The following SOX5 variants were observed in gnomAD, a reference collection of about 807,000 sequenced individuals.
SOX5 encodes SRY-box transcription factor 5.
Under a neutral mutation model 92.0 loss-of-function variants are expected in SOX5, and 9 were observed. The ratio of observed to expected loss-of-function variants is 0.10; its 90% confidence interval spans 0.06 to 0.17. The LOEUF (loss-of-function observed/expected upper bound fraction) is 0.17, where lower values mean the gene tolerates loss of function less well. Among genes scored for constraint, SOX5 ranks in the 10% least tolerant of loss-of-function variants. The pLI is 1.00. For missense variants in SOX5, 642 were observed against 944.5 expected (o/e 0.68, Z 4.20); for synonymous variants, 344 against 336.3 (o/e 1.02, Z -0.25).
At chr12:23,837,247 A>G (rs1160371730) in intron 3 of SOX5, among the ~76,000 whole-genome samples, 21 of 76,512 alleles carry the variant, frequency 2.7e-4, no homozygotes, top group Non-Finnish European at 5.0e-4. Context: ...TATATAATAT[A>G]TATTTATATT....
At position 23,575,721 on chromosome 12, in the gene SOX5, G is replaced by A. The variant is rs1257254387; in HGVS notation, c.1282C>T (p.Pro428Ser). 6.2e-7 allele frequency: 1 copy of A among 1,613,998 alleles called. No homozygotes were observed. The highest frequency in any genetic ancestry group is 8.5e-7 in the Non-Finnish European group (1 of 1,179,968). The change falls in exon 10 of 15, where the codon CCC becomes TCC. Residue 428 changes from proline (P) to serine (S), a missense_variant. This residue lies in a region of SOX5 where 324 missense variants were observed against 461.6 expected (regional missense o/e 0.70). Coordinates refer to ENST00000451604, the MANE Select transcript of SOX5 (RefSeq NM_006940.6). ...PALRINSGAGPLKASVPAALA... is the reference protein window; with the variant it reads ...PALRINSGAGSLKASVPAALA... ...GCTGCTGGGACAGAGGCTTTGAGGG[G>A]GCCTGCCCCACTGTTTATTCTCAGA...
At chr12:23,666,322 T>C (rs2083794012) in intron 6 of SOX5, among the ~76,000 whole-genome samples, 1 of 152,142 alleles carries the variant, frequency 6.6e-6, no homozygotes, top group Non-Finnish European at 1.5e-5. Flanking sequence ...CTTTGGAATA[T>C]ACTCTAATTT....
intron 3 of SOX5, among the ~76,000 whole-genome samples, chr12:24,244,056 A>G (rs1175352627): frequency 6.6e-6 from 1 of 151,944 alleles, no homozygotes; most frequent in Non-Finnish European, 1.5e-5. Flanking sequence ...GATAAAAAAA[A>G]AAAAAAAAAA....
intron 2 of SOX5, among the ~76,000 whole-genome samples, chr12:23,885,977 T>C (rs1215286130): frequency 6.6e-6 from 1 of 152,074 alleles, no homozygotes; most frequent in Non-Finnish European, 1.5e-5. Context: ...AAATTATTAG[T>C]ATCTCAGGCC....
intron 4 of SOX5, among the ~76,000 whole-genome samples, chr12:24,009,634 G>A (rs956932614): frequency 1.3e-5 from 2 of 152,084 alleles, no homozygotes; most frequent in African/African-American, 2.4e-5. Context: ...AAAGATCAGA[G>A]TATTTCTAAT....
intron 1 of SOX5, among the ~76,000 whole-genome samples, chr12:24,387,942 C>T (rs1352345897): frequency 2.0e-5 from 3 of 152,158 alleles, no homozygotes; most frequent in African/African-American, 4.8e-5. Flanking sequence ...CATCAAAATG[C>T]ACCCACTTAA....
At chr12:24,156,658 T>C (rs1381495669) in intron 4 of SOX5, among the ~76,000 whole-genome samples, 1 of 152,194 alleles carries the variant, frequency 6.6e-6, no homozygotes, top group Non-Finnish European at 1.5e-5. Flanking sequence ...TATGTACTCA[T>C]ATATTTCATT....
intron 3 of SOX5, among the ~76,000 whole-genome samples, chr12:23,833,194 G>T (rs2096358240): frequency 6.6e-6 from 1 of 151,986 alleles, no homozygotes; most frequent in African/African-American, 2.4e-5. Flanking sequence ...TCTGAGGGAA[G>T]CTTGGAAGAC....
At chr12:24,385,389 G>T (rs1958275784) in intron 1 of SOX5, among the ~76,000 whole-genome samples, 1 of 152,156 alleles carries the variant, frequency 6.6e-6, no homozygotes, top group Non-Finnish European at 1.5e-5. Flanking sequence ...GGCTAGCTAT[G>T]ATGTTTAGTA....
chr12:24,509,589 C>T (rs1055355867), intron 1 of SOX5, among the ~76,000 whole-genome samples: 2 of 152,026 alleles, frequency 1.3e-5, no homozygotes, highest in African/African-American at 4.8e-5. Flanking sequence ...TAGCAATAGC[C>T]AAAATGCCAT....
chr12:24,371,036 A>T (rs571398963), intron 1 of SOX5, among the ~76,000 whole-genome samples: 1 of 152,332 alleles, frequency 6.6e-6, no homozygotes, highest in Admixed American at 6.5e-5. Context: ...TGAATAGGTT[A>T]TATTATATAA....
rs73293645 is a variant in SOX5 at position 24,546,082 on chromosome 12, C to A, written c.-251+16247G>T. Among the ~76,000 whole-genome samples, 523 of 152,310 alleles carry A rather than the reference C, an allele frequency of 3.4e-3. 3 individuals are homozygous for A. Among genetic ancestry groups the A allele is most frequent in the African/African-American group, 0.012 (505 of 41,558 alleles). On this transcript the variant is annotated intron_variant, in intron 1 of 4. Transcript: ENST00000446891. Reference sequence around the variant, plus strand: ...CTGACATGACTGTTAGAGGCACCATCGTTTAACCTGGACCTTGCTTTCAGT... The same window carrying A: ...CTGACATGACTGTTAGAGGCACCATAGTTTAACCTGGACCTTGCTTTCAGT...
At chr12:23,638,522 C>T (rs1473876173) in intron 8 of SOX5, 1 of 152,090 alleles carries the variant, frequency 6.6e-6, no homozygotes, top group African/African-American at 2.4e-5. Flanking sequence ...TGAGATGAAA[C>T]ATCTCAAAAA....
At chr12:23,615,334 AGTTTT>A (rs1282995956) in intron 8 of SOX5, among the ~76,000 whole-genome samples, 7 of 151,632 alleles carry the variant, frequency 4.6e-5, no homozygotes, top group South Asian at 2.1e-4. Context: ...TATATATTTG[AGTTTT>A]GTTTTATTTT....
chr12:23,626,563 T>C (rs2077815730), intron 8 of SOX5, among the ~76,000 whole-genome samples: 1 of 152,140 alleles, frequency 6.6e-6, no homozygotes, highest in South Asian at 2.1e-4. Flanking sequence ...CTCCCATTTT[T>C]TCCTTGATAG....
intron 1 of SOX5, among the ~76,000 whole-genome samples, chr12:24,412,367 C>G (rs1021231508): frequency 2.4e-4 from 36 of 151,954 alleles, no homozygotes; most frequent in African/African-American, 8.2e-4. Context: ...GAACTATGAA[C>G]TTAGATTACT....
At chr12:24,259,168 T>C (rs1941703742) in intron 3 of SOX5, among the ~76,000 whole-genome samples, 1 of 152,162 alleles carries the variant, frequency 6.6e-6, no homozygotes, top group Non-Finnish European at 1.5e-5. Flanking sequence ...TGGCATTCTA[T>C]ATATTCAATG....
At chr12:24,169,352 G>T (rs1214411236) in intron 4 of SOX5, among the ~76,000 whole-genome samples, 1 of 152,052 alleles carries the variant, frequency 6.6e-6, no homozygotes, top group Non-Finnish European at 1.5e-5. Flanking sequence ...AATCATTATT[G>T]TCAAAATCCA....
chr12:23,907,580 ATG>A (rs2138240193), intron 1 of SOX5, among the ~76,000 whole-genome samples: 1 of 152,128 alleles, frequency 6.6e-6, no homozygotes, highest in Non-Finnish European at 1.5e-5. Context: ...CAATTTTTTC[ATG>A]TTATCCTTAT....
Sources: gnomAD v4.1 joint callset for allele counts (sites outside exome capture counted in the v4.1 genomes callset) on GRCh38, gnomAD v4.1.1 for gene constraint, gnomAD v4.1.1 regional missense constraint, MANE v1.5 for transcripts, NCBI Gene and HGNC (gene_info 2026-07-23, HGNC 2026-07-21) for gene names.